Variants in GTPBP1 observed in about 807,000 individuals in gnomAD.
GTPBP1 encodes GTP binding protein 1.
Under a neutral mutation model 62.0 loss-of-function variants are expected in GTPBP1, and 23 were observed. The ratio of observed to expected loss-of-function variants is 0.37; its 90% CI spans 0.27 to 0.53. The LOEUF is 0.53. Ranked by LOEUF, GTPBP1 falls within the 20% of genes least tolerant of loss-of-function variation. GTPBP1 has a pLI of 0.89. For missense variants in GTPBP1, 640 were observed against 917.3 expected (o/e 0.70, Z 3.90); for synonymous variants, 344 against 364.4 (o/e 0.94, Z 0.64).
At chr22:38,739,025 C>A, downstream of GTPBP1, 2 of 1,571,760 alleles carry the variant, frequency 1.3e-6, no homozygotes, top group Non-Finnish European at 1.7e-6. The surrounding 1 kb of genome is among the most constrained non-coding windows in gnomAD (Gnocchi z 6.7). Context: ...GGCTCCCGCA[C>A]GGGAGGAGGG....
downstream of GTPBP1, chr22:38,735,880 C>G (rs1377882703): frequency 5.3e-6 from 1 of 190,302 alleles, no homozygotes; most frequent in African/African-American, 2.4e-5. Context: ...CTCACCTAGC[C>G]CAGGCCGTAG....
At chr22:38,719,221 G>T (rs956992172) in intron 4 of GTPBP1, among the ~76,000 whole-genome samples, 43 of 152,218 alleles carry the variant, frequency 2.8e-4, no homozygotes, top group Middle Eastern at 3.4e-3. Flanking sequence ...TGGCTAGGCT[G>T]GTCTGGAACT....
intron 5 of GTPBP1, chr22:38,723,321 C>T: frequency 1.2e-6 from 1 of 836,940 alleles, no homozygotes; most frequent in South Asian, 1.3e-5. Context: ...ACAGCAGGTG[C>T]ATGGTATGAG....
rs200233378 is a variant in GTPBP1 at position 38,729,475 on chromosome 22, C to A, written c.1730C>A (p.Thr577Asn). The A allele has an allele frequency of 8.7e-6, 14 of 1,606,018 alleles. No individual in the cohort carries two copies. In the Admixed American group the frequency reaches 1.5e-4, roughly 18 times the overall value. Residue 577 changes from threonine to asparagine, a missense_variant, in exon 11 of 12, where the codon ACC becomes AAC. Thr to Asn is a moderately conservative substitution (Grantham distance 65). Coordinates refer to ENST00000216044, the MANE Select transcript of GTPBP1 (RefSeq NM_004286.5). ...TGGCTCCCACAGCTCCTCCAGACCACCAACAACTCCCCAATGAACTCCAAG... is the reference window on the plus strand; with the variant it reads ...TGGCTCCCACAGCTCCTCCAGACCAACAACAACTCCCCAATGAACTCCAAG... The part of the protein sequence containing the change: ...VGTITKLLQT[T>N]NNSPMNSKPQ...
intron 5 of GTPBP1, 100 bp downstream of exon 5, chr22:38,721,965 T>C: frequency 1.4e-6 from 1 of 707,398 alleles, no homozygotes; most frequent in Non-Finnish European, 2.1e-6. Flanking sequence ...CAGAAACTTC[T>C]TTTCTTTTTT....
At chr22:38,721,937 G>T in intron 5 of GTPBP1, 72 bp downstream of exon 5, 1 of 1,106,374 alleles carries the variant, frequency 9.0e-7, no homozygotes. Flanking sequence ...CAGGTGGTCT[G>T]CTACCACGGC....
downstream of GTPBP1, chr22:38,736,465 C>A: frequency 2.6e-6 from 3 of 1,158,342 alleles, no homozygotes; most frequent in East Asian, 2.7e-5. Context: ...GACAGCCTCG[C>A]CTAGGGCCAG....
At chr22:38,715,346 C>A (rs1346697180) in intron 2 of GTPBP1, among the ~76,000 whole-genome samples, 1 of 152,184 alleles carries the variant, frequency 6.6e-6, no homozygotes, top group Non-Finnish European at 1.5e-5. Context: ...TGCTGCTCCT[C>A]AACACACTGA....
chr22:38,728,252 C>A, intron 10 of GTPBP1, 91 bp downstream of exon 10: 1 of 902,160 alleles, frequency 1.1e-6, no homozygotes, highest in Non-Finnish European at 1.8e-6. Context: ...GGTTTAGTCA[C>A]TGCCATGGGA....
In GTPBP1 at chr22:38,727,927, T is replaced by G. The variant is rs2092735518; in HGVS notation, c.1538-56T>G. 1 of 1,281,788 alleles carries G rather than the reference T, an allele frequency of 7.8e-7. No homozygotes were observed. The highest frequency in any genetic ancestry group is 1.5e-5 in the African/African-American group (1 of 68,604). The allele number at this position is 1,281,788 out of a possible 1,614,324, so 79.4% of individuals were successfully genotyped here. A position where few individuals can be genotyped will look rare whatever the true frequency, so the allele number is the denominator to read the frequency against. On this transcript the variant is annotated intron_variant, in intron 9 of 11. Transcript: ENST00000216044. This position sits in a 1 kb window ranked among gnomAD's most constrained non-coding sequence, Gnocchi z 6.5. ...CATGCTTTCACTCACTGCCTCCCGT[T>G]GTCCTGAAGCCACCAGGTGGCTCCA... is the stretch of plus-strand genomic sequence containing the variant.
intron 5 of GTPBP1, among the ~76,000 whole-genome samples, chr22:38,723,925 C>CT (rs2092713828): frequency 6.6e-6 from 1 of 152,068 alleles, no homozygotes; most frequent in Admixed American, 6.6e-5. Context: ...CTAAGAGATC[C>CT]TTTTTGTTGG....
downstream of GTPBP1, chr22:38,740,310 T>G: frequency 6.2e-7 from 1 of 1,604,440 alleles, no homozygotes; most frequent in Non-Finnish European, 8.5e-7. The surrounding 1 kb of genome is among the most constrained non-coding windows in gnomAD (Gnocchi z 4.8). Context: ...CAGGCCCACT[T>G]CTTCCGCCAC....
At chr22:38,708,124 C>T (rs1478065144) in intron 1 of GTPBP1, among the ~76,000 whole-genome samples, 3 of 152,174 alleles carry the variant, frequency 2.0e-5, no homozygotes, top group Non-Finnish European at 2.9e-5. Context: ...GTATTAGCTC[C>T]GTTTTATAGA....
Position 38,729,588 on chromosome 22 carries a change from G to T in GTPBP1, c.1843G>T (p.Ala615Ser), listed in dbSNP as rs368402845. 8.2e-6 allele frequency: 13 copies of T among 1,579,600 alleles called. No individual in the cohort carries two copies. The highest frequency in any genetic ancestry group is 2.7e-5 in the African/African-American group (2 of 72,942). ...GGPSGGPAVG[A>S]PPPGDEASSV... is the part of the protein sequence containing the mutation. The stretch of plus-strand genomic sequence containing the variant: ...CCCGTCTGGTGGGCCAGCAGTAGGA[G>T]CACCCCCACCTGGAGATGAAGCCTC... Residue 615 changes from alanine to serine, a missense_variant, in exon 11 of 12, where the codon GCA becomes TCA. By Grantham distance (99) the Ala-to-Ser change is moderately conservative (BLOSUM62 1). Around this residue, in one of 4 missense-constraint regions of GTPBP1, gnomAD observed 117 missense variants for 107.1 expected, o/e 1.09. Transcript: ENST00000216044.
intron 4 of GTPBP1, among the ~76,000 whole-genome samples, chr22:38,719,981 T>G (rs990164444): frequency 2.0e-5 from 3 of 148,534 alleles, no homozygotes; most frequent in Admixed American, 1.4e-4. Context: ...CAGGCTGGAG[T>G]GCAGTGGCGC....
chr22:38,743,021 A>G (rs1376090358), downstream of GTPBP1: 1 of 156,754 alleles, frequency 6.4e-6, no homozygotes, highest in African/African-American at 2.4e-5. Flanking sequence ...CTAGGTAACT[A>G]TGGCTAAGAG....
At chr22:38,738,466 C>T (rs371473561), downstream of GTPBP1, 1 of 1,379,040 alleles carries the variant, frequency 7.3e-7, no homozygotes, top group East Asian at 2.3e-5. This position sits in a 1 kb window ranked among gnomAD's most constrained non-coding sequence, Gnocchi z 6.6. Flanking sequence ...CCTAGCTCCT[C>T]CTCTTCCAAA....
At position 38,730,457 on chromosome 22, in the gene GTPBP1, A is replaced by G. The variant is rs144645560; in HGVS notation, c.1918-155A>G. Among the ~76,000 whole-genome samples, 29 of 152,322 alleles carry G rather than the reference A, an allele frequency of 1.9e-4. No individual in the cohort carries two copies. In the East Asian group the frequency reaches 4.0e-3, roughly 21 times the overall value. ...GAGACAGAGGGGAGGTGCTGCATGC[A>G]GAGTGACCCAGTAAATTCCTGGTCA... On this transcript the variant is annotated intron_variant, in intron 11 of 11. Coordinates refer to ENST00000216044, the MANE Select transcript of GTPBP1 (RefSeq NM_004286.5). This position sits in a 1 kb window ranked among gnomAD's most constrained non-coding sequence, Gnocchi z 5.6.
chr22:38,723,090 G>A (rs1030721425), intron 5 of GTPBP1: 30 of 770,288 alleles, frequency 3.9e-5, no homozygotes, highest in Non-Finnish European at 6.9e-5. Flanking sequence ...CAGGCAAGAT[G>A]ACTAAAGTGG....
Sources: allele counts gnomAD v4.1 joint callset (sites outside exome capture counted in the v4.1 genomes callset), GRCh38; gene constraint gnomAD v4.1.1; regional missense constraint gnomAD v4.1.1; non-coding constraint Gnocchi (gnomAD v3.1); transcripts MANE v1.5; gene names NCBI Gene and HGNC (gene_info 2026-07-23, HGNC 2026-07-21).